Variants in FHL5 observed in about 807,000 individuals in gnomAD.
FHL5 encodes the protein four and a half LIM domains 5.
In FHL5, 33 loss-of-function variants were observed where a neutral mutation model predicts 32.0. The observed-to-expected ratio is 1.03, with a 90% CI of 0.78 to 1.38. The LOEUF is 1.38. Among genes scored for constraint, FHL5 ranks in the 40% most tolerant of loss-of-function variants. FHL5 has a pLI of 0.00. For missense variants in FHL5, 336 were observed against 343.9 expected, an observed-to-expected ratio of 0.98 and a Z score of 0.18; for synonymous variants, 114 against 113.6, an observed-to-expected ratio of 1.00 and a Z score of -0.02.
rs1459322496 is a variant in FHL5 at position 96,604,546 on chromosome 6, AC to A, written c.160-201del. On this transcript the variant is annotated intron_variant, in intron 2 of 5. Coordinates refer to ENST00000450218, the MANE Select transcript of FHL5 (RefSeq NM_001322466.2). Reference sequence around the variant, plus strand: ...TGTTTTTTCCCAGCTGCCTTAAGTGACCCACCAAGAAAGCCCTGGGCTCTAG... The same window carrying A: ...TGTTTTTTCCCAGCTGCCTTAAGTGACCACCAAGAAAGCCCTGGGCTCTAG... Among the ~76,000 whole-genome samples the A allele has an allele frequency of 2.0e-5, 3 of 152,182 alleles. 1 individual carries two copies. Among genetic ancestry groups the A allele is most frequent in the Admixed American group, 1.3e-4 (2 of 15,278 alleles).
chr6:96,613,982 C>T (rs1771465086), intron 5 of FHL5, among the ~76,000 whole-genome samples: 1 of 152,226 alleles, frequency 6.6e-6, no homozygotes. Flanking sequence ...AACCAGATAA[C>T]ACAGGTGTCA....
chr6:96,585,750 A>T (rs1357114836), intron 1 of FHL5, among the ~76,000 whole-genome samples: 1 of 152,162 alleles, frequency 6.6e-6, no homozygotes, highest in Non-Finnish European at 1.5e-5. Context: ...CAAAAGTAAA[A>T]TTCCTCAAAA....
intron 1 of FHL5, among the ~76,000 whole-genome samples, chr6:96,570,813 T>C (rs2127958927): frequency 6.6e-6 from 1 of 152,214 alleles, no homozygotes; most frequent in South Asian, 2.1e-4. Flanking sequence ...TTTTATTCAT[T>C]GAATTCTTCA....
intron 1 of FHL5, among the ~76,000 whole-genome samples, chr6:96,564,847 G>T (rs2127956773): frequency 6.6e-6 from 1 of 152,030 alleles, no homozygotes; most frequent in Middle Eastern, 3.4e-3. Flanking sequence ...ATTTTTCTTG[G>T]TTACTTTTTG....
At chr6:96,612,506 A>G (rs1771431945) in intron 5 of FHL5, among the ~76,000 whole-genome samples, 1 of 152,222 alleles carries the variant, frequency 6.6e-6, no homozygotes, top group African/African-American at 2.4e-5. Flanking sequence ...ATTCTGGTAT[A>G]TCACAGATTC....
At chr6:96,571,986 C>T (rs1284037614) in intron 1 of FHL5, among the ~76,000 whole-genome samples, 1 of 152,098 alleles carries the variant, frequency 6.6e-6, no homozygotes, top group East Asian at 1.9e-4. Flanking sequence ...AGCAATGACT[C>T]CACTCCCTAG....
chr6:96,612,919 G>A (rs1004357443), intron 5 of FHL5, among the ~76,000 whole-genome samples: 7 of 152,052 alleles, frequency 4.6e-5, no homozygotes, highest in African/African-American at 1.4e-4. Flanking sequence ...ATTGTCACAC[G>A]TCTTCGGAAA....
chr6:96,603,765 A>C lies in FHL5; in HGVS notation c.152A>C (p.Asp51Ala). 1 of 1,608,502 alleles carries C rather than the reference A, an allele frequency of 6.2e-7. No individual in the cohort carries two copies. The highest frequency in any genetic ancestry group is 1.1e-5 in the South Asian group (1 of 90,042). Residue 51 changes from aspartate to alanine, a missense_variant, in exon 2 of 6, where the codon GAT (aspartate) becomes GCT (alanine). Asp to Ala is a moderately radical substitution (Grantham distance 126). Coordinates refer to ENST00000450218, the MANE Select transcript of FHL5 (RefSeq NM_001322466.2). ...CEECKKPIES[D>A]SKDLCYKDRH... ...GAATGCAAAAAACCAATTGAATCTG[A>C]TTCTAAGGTAAGTCTCACCTCAATT...
chr6:96,609,594 C>T (rs1367724785), intron 4 of FHL5, among the ~76,000 whole-genome samples: 2 of 152,216 alleles, frequency 1.3e-5, no homozygotes, highest in Non-Finnish European at 2.9e-5. Flanking sequence ...CCTTAAGGCT[C>T]AATGTACAAC....
At chr6:96,565,700 ATGG>A (rs1438691152) in intron 1 of FHL5, among the ~76,000 whole-genome samples, 1 of 152,082 alleles carries the variant, frequency 6.6e-6, no homozygotes, top group Admixed American at 6.5e-5. Flanking sequence ...TGCTCTAAAG[ATGG>A]TGGTGTGGAA....
At chr6:96,604,585 C>G (rs1007850241) in intron 2 of FHL5, among the ~76,000 whole-genome samples, 165 bp from the exon 3 acceptor site, 1 of 151,920 alleles carries the variant, frequency 6.6e-6, no homozygotes, top group African/African-American at 2.4e-5. Flanking sequence ...CTTAATTACC[C>G]CAGAGAGTCT....
At chr6:96,596,903 GA>G (rs1219330053) in intron 1 of FHL5, among the ~76,000 whole-genome samples, 1 of 151,810 alleles carries the variant, frequency 6.6e-6, no homozygotes, top group Non-Finnish European at 1.5e-5. Context: ...ATTCTACCAG[GA>G]ACCGTATATG....
chr6:96,606,136 A>G (rs965252982), intron 4 of FHL5, 65 bp downstream of exon 4: 5 of 1,364,480 alleles, frequency 3.7e-6, no homozygotes, highest in Non-Finnish European at 5.2e-6. Context: ...TGTATCATAT[A>G]TTTAGAATGA....
Position 96,615,648 on chromosome 6 carries a change from A to T in FHL5, c.731A>T (p.Gln244Leu). The T allele has an allele frequency of 1.2e-6, 2 of 1,613,018 alleles. No individual in the cohort carries two copies. The highest frequency in any genetic ancestry group is 2.2e-5 in the South Asian group (2 of 90,800). The stretch of plus-strand genomic sequence containing the variant: ...AAGTTTATCTGCTTTCAAGACAGCC[A>T]GTGGCATAGCGAATGCTTTAACTGC... Reference protein sequence around the residue: ...GAKFICFQDSQWHSECFNCGK... With the variant: ...GAKFICFQDSLWHSECFNCGK... Residue 244 changes from glutamine (Q) to leucine (L), a missense_variant, in exon 6 of 6, where the codon CAG becomes CTG. Coordinates refer to ENST00000450218, the MANE Select transcript of FHL5 (RefSeq NM_001322466.2).
chr6:96,590,787 T>A (rs1173352182), intron 1 of FHL5, among the ~76,000 whole-genome samples: 1 of 152,114 alleles, frequency 6.6e-6, no homozygotes, highest in African/African-American at 2.4e-5. Flanking sequence ...GAGTTTTTAA[T>A]CATAAATTGA....
At chr6:96,595,606 T>G (rs1480050963) in intron 1 of FHL5, among the ~76,000 whole-genome samples, 1 of 151,928 alleles carries the variant, frequency 6.6e-6, no homozygotes, top group Admixed American at 6.6e-5. Context: ...ACTTTCTTTT[T>G]AACTGATATA....
intron 2 of FHL5, among the ~76,000 whole-genome samples, chr6:96,604,317 C>G (rs1357681455): frequency 2.6e-5 from 4 of 151,514 alleles, no homozygotes; most frequent in African/African-American, 4.9e-5. Flanking sequence ...TTCTCTCTCT[C>G]TCTCTCTCTC....
intron 4 of FHL5, 118 bp from the exon 5 acceptor site, chr6:96,610,452 CTT>C: frequency 3.0e-6 from 2 of 674,682 alleles, no homozygotes; most frequent in Non-Finnish European, 5.1e-6. Context: ...ATGAAATGAT[CTT>C]TTTTTTTTCT....
chr6:96,568,984 T>G (rs1379561062), intron 1 of FHL5, among the ~76,000 whole-genome samples: 1 of 151,904 alleles, frequency 6.6e-6, no homozygotes, highest in African/African-American at 2.4e-5. Context: ...TTCCTTCTAA[T>G]TTTGGGCTTG....
Sources: allele counts gnomAD v4.1 joint callset (sites outside exome capture counted in the v4.1 genomes callset), GRCh38; gene constraint gnomAD v4.1.1; transcripts MANE v1.5; gene names NCBI Gene and HGNC (gene_info 2026-07-23, HGNC 2026-07-21).